SPECC1: variants seen among roughly 807,000 people sequenced by gnomAD.
SPECC1 encodes the protein sperm antigen with calponin homology and coiled-coil domains 1, also known as cytospin-B.
SPECC1 carries 62 observed loss-of-function variants against 104.1 expected under a neutral mutation model. That is an observed-to-expected ratio of 0.60 (90% CI 0.49 to 0.74). SPECC1 has a LOEUF of 0.74. Ranked by LOEUF, SPECC1 falls within the 30% of genes least tolerant of loss-of-function variation. The probability of loss-of-function intolerance (pLI) is 0.00; values close to 1 mark genes in which losing one functional copy is unlikely to be tolerated. For missense variants in SPECC1, 1,306 were observed against 1,310.5 expected, an observed-to-expected ratio of 1.00 and a Z score of 0.05; for synonymous variants, 513 against 501.6, an observed-to-expected ratio of 1.02 and a Z score of -0.30.
chr17:20,083,242 C>A (rs549139623), intron 1 of SPECC1, among the ~76,000 whole-genome samples: 33 of 152,318 alleles, frequency 2.2e-4, no homozygotes, highest in Admixed American at 7.2e-4. Flanking sequence ...CTGGTGGGGC[C>A]ACTGATTTGC....
intron 9 of SPECC1, among the ~76,000 whole-genome samples, chr17:20,247,621 G>A (rs1310541748): frequency 6.6e-6 from 1 of 152,098 alleles, no homozygotes; most frequent in Non-Finnish European, 1.5e-5. Context: ...GAAGGAATAT[G>A]TTTTCAAATT....
At chr17:20,183,612 G>A (rs2035059133) in intron 3 of SPECC1, among the ~76,000 whole-genome samples, 1 of 152,112 alleles carries the variant, frequency 6.6e-6, no homozygotes, top group African/African-American at 2.4e-5. Context: ...CATAGTATTT[G>A]CATTTAAACT....
chr17:20,260,420 C>A, intron 12 of SPECC1, 126 bp downstream of exon 12: 1 of 746,378 alleles, frequency 1.3e-6, no homozygotes, highest in Non-Finnish European at 2.1e-6. Flanking sequence ...TTCTATTCTC[C>A]TAGGCAGGGC....
chr17:20,048,923 C>T (rs1414716580), intron 1 of SPECC1, among the ~76,000 whole-genome samples: 4 of 151,804 alleles, frequency 2.6e-5, no homozygotes, highest in African/African-American at 4.8e-5. Flanking sequence ...CCAGACATAT[C>T]GCTTAAAAAT....
intron 3 of SPECC1, among the ~76,000 whole-genome samples, chr17:20,191,129 G>A (rs2035640891): frequency 6.6e-6 from 1 of 152,126 alleles, no homozygotes; most frequent in African/African-American, 2.4e-5. Flanking sequence ...CATTATCTGG[G>A]TGTACCACAG....
In SPECC1 at chr17:20,253,543, A is replaced by G. The variant is rs1159988998; in HGVS notation, c.2637A>G (p.Arg879=). Residue 879 remains arginine, a synonymous_variant, in exon 10 of 15, where the codon AGA becomes AGG. Coordinates refer to ENST00000395527, the MANE Select transcript of SPECC1 (RefSeq NM_001243439.2). ...ACAGCAGTGTGCGGCCAGCCAGCAGAGGGGTGACTCAACGCTTGGACCTTC... is the reference window on the plus strand; with the variant it reads ...ACAGCAGTGTGCGGCCAGCCAGCAGGGGGGTGACTCAACGCTTGGACCTTC... ...STYSSVRPAS[R]GVTQRLDLPD... The G allele has an allele frequency of 6.2e-7, 1 of 1,614,004 alleles. No homozygotes were observed. Among genetic ancestry groups the G allele is most frequent in the Non-Finnish European group, 8.5e-7 (1 of 1,180,050 alleles).
At chr17:20,034,420 A>C (rs1426266132) in intron 1 of SPECC1, among the ~76,000 whole-genome samples, 2 of 151,734 alleles carry the variant, frequency 1.3e-5, no homozygotes, top group Non-Finnish European at 2.9e-5. Flanking sequence ...TTTACTAAAA[A>C]AATGTCAAAC....
At chr17:20,091,237 G>T (rs1173359632) in intron 1 of SPECC1, among the ~76,000 whole-genome samples, 1 of 152,292 alleles carries the variant, frequency 6.6e-6, no homozygotes, top group African/African-American at 2.4e-5. Context: ...AAGACTGTGG[G>T]AAATAATCAG....
chr17:20,055,721 G>A (rs1199315087), intron 1 of SPECC1, among the ~76,000 whole-genome samples: 1 of 152,210 alleles, frequency 6.6e-6, no homozygotes, highest in African/African-American at 2.4e-5. Flanking sequence ...GGGGATGAGG[G>A]TTCTGGCCCC....
chr17:20,187,828 A>G (rs968361693), intron 3 of SPECC1, among the ~76,000 whole-genome samples: 5 of 152,190 alleles, frequency 3.3e-5, no homozygotes, highest in African/African-American at 1.2e-4. Flanking sequence ...CCCGGGACCT[A>G]TGAGGCCTGG....
At chr17:20,160,319 G>A (rs1021941282) in intron 3 of SPECC1, among the ~76,000 whole-genome samples, 3 of 152,128 alleles carry the variant, frequency 2.0e-5, no homozygotes, top group Admixed American at 2.0e-4. Flanking sequence ...AAATTGCCCT[G>A]AATCTGCCAG....
intron 7 of SPECC1, chr17:20,236,728 G>A: frequency 1.1e-6 from 1 of 914,602 alleles, no homozygotes; most frequent in South Asian, 1.9e-5. Flanking sequence ...CTTAAAATCT[G>A]TTGGCCTATC....
chr17:20,252,524 C>T (rs1406046784), intron 9 of SPECC1, among the ~76,000 whole-genome samples: 1 of 152,108 alleles, frequency 6.6e-6, no homozygotes, highest in East Asian at 1.9e-4. Flanking sequence ...TTCCCCACTT[C>T]CCCTCCCTGA....
chr17:20,136,871 G>A (rs1268760252), intron 3 of SPECC1, among the ~76,000 whole-genome samples: 5 of 152,084 alleles, frequency 3.3e-5, no homozygotes, highest in Admixed American at 3.3e-4. Context: ...AGTTATCTCC[G>A]TGTTTGGGGT....
At chr17:20,176,331 A>G (rs1002955151) in intron 3 of SPECC1, among the ~76,000 whole-genome samples, 1 of 152,074 alleles carries the variant, frequency 6.6e-6, no homozygotes, top group African/African-American at 2.4e-5. Context: ...TCGTTTTCCT[A>G]CTTTTCAGTC....
intron 12 of SPECC1, among the ~76,000 whole-genome samples, chr17:20,260,636 G>T (rs761884077): frequency 1.1e-4 from 17 of 152,304 alleles, no homozygotes; most frequent in Non-Finnish European, 2.5e-4. Context: ...TTGTCATGAG[G>T]CCAAAAGAGT....
chr17:20,317,456 A>G lies in SPECC1; in HGVS notation c.*3391A>G. On this transcript the variant is annotated 3_prime_UTR_variant, in exon 15 of 15. Coordinates refer to ENST00000395527, the MANE Select transcript of SPECC1 (RefSeq NM_001243439.2). Reference sequence around the variant, plus strand: ...TTGTATTTTTAGTAGAAACAGTTTCACCATGTTGGCCAGGCTGGTCTTGAA... The same window carrying G: ...TTGTATTTTTAGTAGAAACAGTTTCGCCATGTTGGCCAGGCTGGTCTTGAA... 5.6e-6 allele frequency: 1 copy of G among 178,296 alleles called. No homozygotes were observed. The highest frequency in any genetic ancestry group is 9.4e-5 in the East Asian group (1 of 10,670). 11.0% of individuals were successfully genotyped at this position (178,296 alleles called of 1,614,324 possible). A position where few individuals can be genotyped will look rare whatever the true frequency, so the allele number is the denominator to read the frequency against.
intron 3 of SPECC1, among the ~76,000 whole-genome samples, chr17:20,183,285 C>CT (rs1567911791): frequency 6.6e-6 from 1 of 152,164 alleles, no homozygotes; most frequent in Admixed American, 6.5e-5. Flanking sequence ...TGATTGCAAT[C>CT]TTTTTTATAA....
At chr17:20,265,348 C>T (rs2040183664) in intron 12 of SPECC1, among the ~76,000 whole-genome samples, 1 of 152,126 alleles carries the variant, frequency 6.6e-6, no homozygotes, top group Admixed American at 6.6e-5. Flanking sequence ...ATTCGTATTT[C>T]TTTGAAGATT....
Sources: gnomAD v4.1 joint callset for allele counts (sites outside exome capture counted in the v4.1 genomes callset) on GRCh38, gnomAD v4.1.1 for gene constraint, MANE v1.5 for transcripts, NCBI Gene and HGNC (gene_info 2026-07-23, HGNC 2026-07-21) for gene names.